IRAG2: variants seen among roughly 807,000 people sequenced by gnomAD.
IRAG2 encodes the protein lymphoid restricted membrane protein.
IRAG2 carries 45 observed loss-of-function variants against 69.9 expected under a neutral mutation model. The observed-to-expected ratio is 0.64, with a 90% CI of 0.51 to 0.83. The LOEUF is 0.83. Among genes scored for constraint, IRAG2 ranks in the 40% least tolerant of loss-of-function variants. IRAG2 has a pLI of 0.00. For synonymous variants in IRAG2, 193 were observed against 202.4 expected, an observed-to-expected ratio of 0.95 and a Z score of 0.40; for missense variants, 520 against 587.0, an observed-to-expected ratio of 0.89 and a Z score of 1.18.
chr12:25,075,392 A>C (rs1477683533), intron 6 of IRAG2, among the ~76,000 whole-genome samples: 1 of 152,222 alleles, frequency 6.6e-6, no homozygotes, highest in Non-Finnish European at 1.5e-5. Context: ...TCTGTAGTTT[A>C]GTATTTCATA....
chr12:25,042,936 A>G (rs1375982802), intron 16 of IRAG2, among the ~76,000 whole-genome samples: 1 of 151,696 alleles, frequency 6.6e-6, no homozygotes, highest in Non-Finnish European at 1.5e-5. Flanking sequence ...AAGATAATGG[A>G]CACTCTTGAA....
intron 6 of IRAG2, among the ~76,000 whole-genome samples, chr12:25,070,158 A>C (rs1356321664): frequency 5.3e-5 from 8 of 152,200 alleles, no homozygotes; most frequent in African/African-American, 1.9e-4. Flanking sequence ...TTATTCACTT[A>C]AATGACTTTC....
upstream of IRAG2, among the ~76,000 whole-genome samples, chr12:24,999,753 T>C (rs536795237): frequency 3.3e-5 from 5 of 152,050 alleles, no homozygotes; most frequent in Admixed American, 6.6e-5. Flanking sequence ...TTTCCTATTA[T>C]AGGTTCTCAT....
intron 17 of IRAG2, chr12:25,103,588 C>A: frequency 2.3e-6 from 1 of 432,360 alleles, no homozygotes; most frequent in Non-Finnish European, 4.1e-6. Context: ...TAATTACAAA[C>A]CTAAACAAAT....
chr12:25,035,978 G>T (rs1390283361), intron 14 of IRAG2, among the ~76,000 whole-genome samples: 5 of 152,094 alleles, frequency 3.3e-5, no homozygotes, highest in Non-Finnish European at 7.4e-5. Context: ...GGTCAATCAG[G>T]GCTAACAGAT....
upstream of IRAG2, among the ~76,000 whole-genome samples, chr12:25,001,646 G>A (rs375173957): frequency 3.3e-5 from 5 of 152,078 alleles, no homozygotes; most frequent in South Asian, 2.1e-4. Context: ...TTGGGAGCAT[G>A]AGTTTCCAGT....
upstream of IRAG2, among the ~76,000 whole-genome samples, chr12:25,049,087 C>G (rs1944819794): frequency 6.6e-6 from 1 of 152,164 alleles, no homozygotes; most frequent in African/African-American, 2.4e-5. Context: ...GTTCTCTATT[C>G]TGTTCCATTG....
Position 25,023,934 on chromosome 12 carries a change from C to T in IRAG2, c.1383+13C>T, listed in dbSNP as rs376354702. 5 of 1,214,016 alleles carry T rather than the reference C, an allele frequency of 4.1e-6. No individual in the cohort carries two copies. In the East Asian group the frequency reaches 1.3e-4, roughly 31 times the overall value. 75.2% of individuals were successfully genotyped at this position (1,214,016 alleles called of 1,614,324 possible). A position where few individuals can be genotyped will look rare whatever the true frequency, so the allele number is the denominator to read the frequency against. On this transcript the variant is annotated intron_variant, in intron 8 of 38. Coordinates refer to the IRAG2 transcript ENST00000636465. ...TCTACAGGAAGAGGTATGTCAGAAT[C>T]GTTAAACACTGGCATAGACAAACAT...
In IRAG2 at chr12:25,102,178, CA is replaced by C; in HGVS notation, c.890-18del. Reference sequence around the variant, plus strand: ...GGCATGTGTAATAGCTAAAATGTGTCAATGTGTTTTTCCTTTCAGATGACTG... The same window carrying C: ...GGCATGTGTAATAGCTAAAATGTGTCATGTGTTTTTCCTTTCAGATGACTG... On this transcript the variant is annotated intron_variant, in intron 16 of 21. Coordinates refer to ENST00000556887, the MANE Select transcript of IRAG2 (RefSeq NM_001366544.2). The C allele has an allele frequency of 6.2e-7, 1 of 1,608,198 alleles. No individual in the cohort carries two copies. Among genetic ancestry groups the C allele is most frequent in the Non-Finnish European group, 8.5e-7 (1 of 1,175,258 alleles).
At chr12:25,042,581 T>C (rs1315011555) in intron 16 of IRAG2, among the ~76,000 whole-genome samples, 1 of 152,098 alleles carries the variant, frequency 6.6e-6, no homozygotes, top group Non-Finnish European at 1.5e-5. Context: ...TTCTCCTGCT[T>C]CAGCCTCCTG....
rs779744650 is a variant in IRAG2, at chr12:25,061,602, G to A, written c.-436G>A. 10 of 398,454 alleles carry A rather than the reference G, an allele frequency of 2.5e-5. No homozygotes were observed. Among genetic ancestry groups the A allele is most frequent in the Non-Finnish European group, 4.0e-5 (9 of 226,046 alleles). 24.7% of individuals were successfully genotyped at this position (398,454 alleles called of 1,614,324 possible). A position where few individuals can be genotyped will look rare whatever the true frequency, so the allele number is the denominator to read the frequency against. On this transcript the variant is annotated 5_prime_UTR_variant, in exon 2 of 22. Transcript: ENST00000556887. ...AAATTCTCTTTGTAGCAACAATTGAGTCACTTCAAAAGGAGTTCATTGAAG... is the reference window on the plus strand; with the variant it reads ...AAATTCTCTTTGTAGCAACAATTGAATCACTTCAAAAGGAGTTCATTGAAG...
At chr12:25,031,536 A>G (rs1944667470) in intron 10 of IRAG2, among the ~76,000 whole-genome samples, 1 of 152,240 alleles carries the variant, frequency 6.6e-6, no homozygotes, top group African/African-American at 2.4e-5. Flanking sequence ...TCATGATGAT[A>G]AATATAATTT....
chr12:25,103,941 T>C, intron 18 of IRAG2, 42 bp downstream of exon 18: 1 of 1,604,196 alleles, frequency 6.2e-7, no homozygotes, highest in Non-Finnish European at 8.5e-7. Context: ...GGTAAATTCA[T>C]TTTCATATGA....
rs529148339 is a variant in IRAG2 at position 25,104,239 on chromosome 12, A to T, written c.1047-122A>T. On this transcript the variant is annotated intron_variant, in intron 19 of 21. Transcript: ENST00000556887. ...TTATCATAAAGTAGGAGATCTGTGAATGTGCCAAGAAAAAAATAATTAGGA... is the reference window on the plus strand; with the variant it reads ...TTATCATAAAGTAGGAGATCTGTGATTGTGCCAAGAAAAAAATAATTAGGA... 3.8e-5 allele frequency: 30 copies of T among 782,030 alleles called. No homozygotes were observed. In the Admixed American group the frequency reaches 8.6e-4, roughly 22 times the overall value. The allele number at this position is 782,030 out of a possible 1,614,324, so 48.4% of individuals were successfully genotyped here.
exon 16 of IRAG2, chr12:25,038,134 C>A: frequency 2.5e-6 from 1 of 398,574 alleles, no homozygotes; most frequent in Non-Finnish European, 4.4e-6. Flanking sequence ...GAATTTCTTG[C>A]CAGGTGATGA....
intron 6 of IRAG2, among the ~76,000 whole-genome samples, chr12:25,076,863 TTTG>T (rs946836413): frequency 1.2e-4 from 18 of 151,848 alleles, no homozygotes; most frequent in Non-Finnish European, 1.5e-4. Context: ...CTTCCTTTCT[TTTG>T]TTTTCTTTCT....
At chr12:25,073,662 G>C (rs1592007253) in intron 6 of IRAG2, among the ~76,000 whole-genome samples, 1 of 152,278 alleles carries the variant, frequency 6.6e-6, no homozygotes, top group South Asian at 2.1e-4. Context: ...AAATAATTTG[G>C]AGCCCTGTTT....
chr12:25,053,515 T>A (rs2139893386), intron 1 of IRAG2, among the ~76,000 whole-genome samples: 1 of 152,250 alleles, frequency 6.6e-6, no homozygotes, highest in Admixed American at 6.5e-5. Context: ...AAAATTGGAA[T>A]ATTTGTCATT....
intron 9 of IRAG2, among the ~76,000 whole-genome samples, chr12:25,081,059 G>A (rs1455922009): frequency 1.3e-5 from 2 of 151,150 alleles, no homozygotes; most frequent in Admixed American, 6.6e-5. Flanking sequence ...CCTACGATAA[G>A]TTTAATTTAT....
Sources: allele counts gnomAD v4.1 joint callset (sites outside exome capture counted in the v4.1 genomes callset), GRCh38; gene constraint gnomAD v4.1.1; transcripts MANE v1.5; gene names NCBI Gene and HGNC (gene_info 2026-07-23, HGNC 2026-07-21).